PLAAT3: variants seen among roughly 807,000 people sequenced by gnomAD.
PLAAT3 encodes the protein phospholipase A and acyltransferase 3.
PLAAT3 carries 21 observed loss-of-function variants against 16.7 expected under a neutral mutation model. The observed-to-expected ratio is 1.26, with a 90% CI of 0.89 to 1.81. The LOEUF (loss-of-function observed/expected upper bound fraction) is 1.81. PLAAT3 is among the 40% of genes most tolerant of loss of function. The pLI is 0.00. For synonymous variants in PLAAT3, 76 were observed against 81.7 expected (o/e 0.93, Z 0.38); for missense variants, 219 against 213.7 (o/e 1.02, Z -0.16).
intron 2 of PLAAT3, among the ~76,000 whole-genome samples, chr11:63,610,340 C>A (rs1464832736): frequency 1.3e-5 from 2 of 152,214 alleles, no homozygotes; most frequent in African/African-American, 2.4e-5. Flanking sequence ...CAAGCCATAG[C>A]CCTATTATTG....
At chr11:63,604,478 C>A (rs1231004147) in intron 2 of PLAAT3, among the ~76,000 whole-genome samples, 3 of 151,864 alleles carry the variant, frequency 2.0e-5, no homozygotes, top group Non-Finnish European at 4.4e-5. Context: ...TAATTATATT[C>A]TAGGCCGGGC....
At chr11:63,588,248 T>A (rs2134403981) in intron 4 of PLAAT3, among the ~76,000 whole-genome samples, 1 of 152,134 alleles carries the variant, frequency 6.6e-6, no homozygotes, top group South Asian at 2.1e-4. Flanking sequence ...TTTTGTATTT[T>A]TAGTAGAGAT....
chr11:63,585,571 G>A (rs1937950903), intron 4 of PLAAT3, among the ~76,000 whole-genome samples: 1 of 152,130 alleles, frequency 6.6e-6, no homozygotes, highest in South Asian at 2.1e-4. Context: ...TGTCAATAGT[G>A]CTGAGGCTGA....
Position 63,614,048 on chromosome 11 carries a change from T to A in PLAAT3, c.-34A>T. 1 of 1,613,526 alleles carries A rather than the reference T, an allele frequency of 6.2e-7. No homozygotes were observed. The highest frequency in any genetic ancestry group is 8.5e-7 in the Non-Finnish European group (1 of 1,179,674). ...GCGGTGTGGACCCTCAAGGCCAGGC[T>A]CGATTTCGCTGCGTAGATGTCTGAG... On this transcript the variant is annotated 5_prime_UTR_variant, in exon 2 of 5. Coordinates refer to ENST00000415826, the MANE Select transcript of PLAAT3 (RefSeq NM_001128203.2).
intron 4 of PLAAT3, among the ~76,000 whole-genome samples, chr11:63,581,404 G>T (rs566667856): frequency 6.6e-6 from 1 of 152,108 alleles, no homozygotes; most frequent in African/African-American, 2.4e-5. Flanking sequence ...GGCCGCTCTG[G>T]GAGTGTCTGT....
At chr11:63,610,123 C>T (rs1027273032) in intron 2 of PLAAT3, among the ~76,000 whole-genome samples, 3 of 152,218 alleles carry the variant, frequency 2.0e-5, no homozygotes, top group African/African-American at 7.2e-5. Context: ...CCCACCACAC[C>T]AAGTAATTCA....
chr11:63,583,129 CAA>C (rs992589548), intron 4 of PLAAT3, among the ~76,000 whole-genome samples: 1 of 144,450 alleles, frequency 6.9e-6, no homozygotes, highest in Admixed American at 6.9e-5. Flanking sequence ...GACACCATCT[CAA>C]AAAAAAAAAG....
At chr11:63,594,986 G>A (rs922967950) in intron 3 of PLAAT3, among the ~76,000 whole-genome samples, 4 of 151,908 alleles carry the variant, frequency 2.6e-5, no homozygotes, top group East Asian at 1.9e-4. Context: ...GAATTAAAAC[G>A]ATATGCAAAA....
intron 4 of PLAAT3, among the ~76,000 whole-genome samples, chr11:63,577,182 T>A (rs893011666): frequency 3.3e-5 from 5 of 151,236 alleles, no homozygotes; most frequent in Non-Finnish European, 2.9e-5. Context: ...TTTTTTTTTT[T>A]AATCTTTGAG....
chr11:63,588,466 G>T (rs1468800903), intron 4 of PLAAT3, among the ~76,000 whole-genome samples: 1 of 88,466 alleles, frequency 1.1e-5, no homozygotes, highest in African/African-American at 5.5e-5. Flanking sequence ...ACCATCCCCT[G>T]GTCTCCTGCT....
chr11:63,613,026 A>G (rs1306191660), intron 2 of PLAAT3, among the ~76,000 whole-genome samples: 2 of 152,216 alleles, frequency 1.3e-5, no homozygotes, highest in African/African-American at 4.8e-5. Flanking sequence ...CTTTATATGG[A>G]CTGAGATAAT....
intron 1 of PLAAT3, 82 bp from the exon 2 acceptor site, chr11:63,614,150 G>T (rs770418217): frequency 1.6e-6 from 2 of 1,252,292 alleles, no homozygotes; most frequent in Non-Finnish European, 2.3e-6. Flanking sequence ...CTTCTGTTGG[G>T]CAGGGCGTGA....
chr11:63,603,952 G>T (rs2134425439), intron 2 of PLAAT3, among the ~76,000 whole-genome samples: 1 of 152,288 alleles, frequency 6.6e-6, no homozygotes, highest in Admixed American at 6.5e-5. Flanking sequence ...AGGAGTTTGA[G>T]ACCAGCCTGG....
chr11:63,603,807 A>T (rs538932061), intron 2 of PLAAT3, among the ~76,000 whole-genome samples: 1 of 152,272 alleles, frequency 6.6e-6, no homozygotes, highest in African/African-American at 2.4e-5. Flanking sequence ...GCATGGAAAT[A>T]TTAATTGAGA....
At chr11:63,600,583 G>GTTTTTTTTGT (rs1555045459) in intron 2 of PLAAT3, among the ~76,000 whole-genome samples, 2,339 of 132,654 alleles carry the variant, frequency 0.018, 52 homozygotes, top group African/African-American at 0.062. Flanking sequence ...TGGTTTTTTT[G>GTTTTTTTTGT]TTTTTTTTGT....
At chr11:63,577,622 C>T (rs1937651680) in intron 4 of PLAAT3, among the ~76,000 whole-genome samples, 1 of 151,968 alleles carries the variant, frequency 6.6e-6, no homozygotes, top group African/African-American at 2.4e-5. Flanking sequence ...ACAACTATAG[C>T]TTCTCAGTCT....
At chr11:63,615,396 ATGTGTGTATATGTG>A (rs71039657), upstream of PLAAT3, among the ~76,000 whole-genome samples, 59,975 of 75,782 alleles carry the variant, frequency 0.79, 25,957 homozygotes, top group East Asian at 0.98. Flanking sequence ...ATGTGTATAT[ATGTGTGTATATGTG>A]TGTGTGTGTG....
chr11:63,611,632 A>C (rs981405351), intron 2 of PLAAT3, among the ~76,000 whole-genome samples: 6 of 152,208 alleles, frequency 3.9e-5, no homozygotes, highest in Non-Finnish European at 7.3e-5. Context: ...TTATGTAGCC[A>C]ATCTCTGTGG....
chr11:63,609,990 A>G (rs1201411583), intron 2 of PLAAT3, among the ~76,000 whole-genome samples: 1 of 152,178 alleles, frequency 6.6e-6, no homozygotes, highest in East Asian at 1.9e-4. Flanking sequence ...TAAGAGCCCC[A>G]TGTTACCAAT....
Sources: allele counts gnomAD v4.1 joint callset (sites outside exome capture counted in the v4.1 genomes callset), GRCh38; gene constraint gnomAD v4.1.1; transcripts MANE v1.5; gene names NCBI Gene and HGNC (gene_info 2026-07-23, HGNC 2026-07-21).